The following ATXN7 variants were observed in gnomAD, a reference collection of about 807,000 sequenced individuals.
ATXN7 encodes ataxin 7, also known as ataxin-7.
In ATXN7, 12 loss-of-function variants were observed where a neutral mutation model predicts 70.5. The ratio of observed to expected loss-of-function variants is 0.17; its 90% CI spans 0.11 to 0.28. ATXN7 has a LOEUF of 0.28. Among genes scored for constraint, ATXN7 ranks in the 10% least tolerant of loss-of-function variants. The pLI is 1.00. For synonymous variants in ATXN7, 498 were observed against 448.7 expected, an observed-to-expected ratio of 1.11 and a Z score of -1.39; for missense variants, 1,256 against 1,131.7, an observed-to-expected ratio of 1.11 and a Z score of -1.58.
rs1048571039 is a variant in ATXN7, at chr3:63,996,035, G to A, written c.2213G>A (p.Cys738Tyr). Reference sequence around the variant, plus strand: ...TCCATGGAGTCTTTTAGGAAAAACTGTGTGGCTCACTCTGGGCCTCCCTAC... The same window carrying A: ...TCCATGGAGTCTTTTAGGAAAAACTATGTGGCTCACTCTGGGCCTCCCTAC... ...SHSMESFRKN[C>Y]VAHSGPPYPS... Residue 738 changes from cysteine (C) to tyrosine (Y), a missense_variant, in exon 12 of 13, where the codon TGT becomes TAT. Coordinates refer to ENST00000674280, the MANE Select transcript of ATXN7 (RefSeq NM_001377405.1). 6.2e-7 allele frequency: 1 copy of A among 1,614,150 alleles called. No individual in the cohort carries two copies. Among genetic ancestry groups the A allele is most frequent in the Middle Eastern group, 1.6e-4 (1 of 6,062 alleles).
chr3:63,977,251 A>G (rs1419437321), intron 5 of ATXN7, among the ~76,000 whole-genome samples: 1 of 152,242 alleles, frequency 6.6e-6, no homozygotes, highest in African/African-American at 2.4e-5. Flanking sequence ...TTCTTAGTAT[A>G]TCGGTGGCTT....
At chr3:63,902,855 C>T (rs1254024831) in intron 2 of ATXN7, among the ~76,000 whole-genome samples, 1 of 151,950 alleles carries the variant, frequency 6.6e-6, no homozygotes, top group Admixed American at 6.6e-5. Context: ...AAAAAAAAAT[C>T]TTTATAAAAG....
In ATXN7 at chr3:63,883,049, C is replaced by G. The variant is rs557905883; in HGVS notation, c.-110-15350C>G. ...TATTAGACAGCTATAGACATGGACACCAAAACTTGTTGAGCCTTCAGCATT... is the reference window on the plus strand; with the variant it reads ...TATTAGACAGCTATAGACATGGACAGCAAAACTTGTTGAGCCTTCAGCATT... On this transcript the variant is annotated intron_variant, in intron 1 of 12. Transcript: ENST00000674280. Among the ~76,000 whole-genome samples, 3 of 152,222 alleles carry G rather than the reference C, an allele frequency of 2.0e-5. No homozygotes were observed. The East Asian group carries it at 5.8e-4, about 29-fold the overall frequency.
At chr3:63,984,378 C>G (rs572160651) in intron 8 of ATXN7, among the ~76,000 whole-genome samples, 1 of 152,000 alleles carries the variant, frequency 6.6e-6, no homozygotes, top group South Asian at 2.1e-4. Flanking sequence ...GTATAGGGTA[C>G]TAATTGGACA....
At chr3:63,866,720 A>G (rs1048192016) in intron 1 of ATXN7, 5 of 152,238 alleles carry the variant, frequency 3.3e-5, no homozygotes, top group African/African-American at 1.2e-4. Context: ...TCTCATATAT[A>G]TGAGAGAACA....
rs531522696 is a variant in ATXN7 at position 63,867,861 on chromosome 3, G to C, written c.-111+3703G>C. Among the ~76,000 whole-genome samples, 10 of 152,186 alleles carry C rather than the reference G, an allele frequency of 6.6e-5. No individual in the cohort carries two copies. In the East Asian group the frequency reaches 1.5e-3, roughly 24 times the overall value. On this transcript the variant is annotated intron_variant, in intron 1 of 12. Transcript: ENST00000674280. The stretch of plus-strand genomic sequence containing the variant: ...GCCGAGATCACTACACTCTAGCCTG[G>C]GCAACAGAGTAAGACACTGAAATAA...
intron 2 of ATXN7, among the ~76,000 whole-genome samples, chr3:63,911,001 T>C (rs961301642): frequency 1.1e-4 from 17 of 152,090 alleles, no homozygotes; most frequent in Non-Finnish European, 2.5e-4. Flanking sequence ...AACAAAGAAG[T>C]TGGCTACCTC....
intron 12 of ATXN7, chr3:63,998,462 C>T: frequency 1.0e-6 from 1 of 985,280 alleles, no homozygotes; most frequent in Non-Finnish European, 1.2e-6. Flanking sequence ...TCATGACCTG[C>T]CATTTTGCCA....
intron 4 of ATXN7, among the ~76,000 whole-genome samples, chr3:63,927,926 G>C (rs533440235): frequency 8.6e-4 from 131 of 152,250 alleles, no homozygotes; most frequent in Non-Finnish European, 1.5e-3. Context: ...GTTGTTGTTT[G>C]GTAGATGTTT....
chr3:63,940,951 G>A lies in ATXN7; in HGVS notation c.395-11428G>A, dbSNP rs896963729. Among the ~76,000 whole-genome samples, 5 of 152,108 alleles carry A rather than the reference G, an allele frequency of 3.3e-5. No individual in the cohort carries two copies. The East Asian group carries it at 9.6e-4, about 29-fold the overall frequency. On this transcript the variant is annotated intron_variant, in intron 4 of 12. Coordinates refer to ENST00000674280, the MANE Select transcript of ATXN7 (RefSeq NM_001377405.1). ...CAGGATTTGCTGACAGTATTTTGAG[G>A]AGTAGCTTAAGGAACCCGTGAGACA...
chr3:63,976,217 A>G (rs2075385394), intron 5 of ATXN7, among the ~76,000 whole-genome samples: 1 of 152,186 alleles, frequency 6.6e-6, no homozygotes, highest in Admixed American at 6.5e-5. Context: ...ATCCTGTGAA[A>G]AATAAGAGCT....
intron 2 of ATXN7, chr3:63,903,634 T>C (rs1703732611): frequency 6.6e-6 from 1 of 152,220 alleles, no homozygotes; most frequent in Non-Finnish European, 1.5e-5. Flanking sequence ...CAGGCACTAT[T>C]CTGAACATAT....
intron 4 of ATXN7, among the ~76,000 whole-genome samples, chr3:63,929,515 C>T (rs1704856439): frequency 6.6e-6 from 1 of 152,158 alleles, no homozygotes; most frequent in Admixed American, 6.5e-5. Context: ...TCGTGATGCG[C>T]CTGCCTCTGC....
At position 63,952,190 on chromosome 3, in the gene ATXN7, T is replaced by C. The variant is rs186801034; in HGVS notation, c.395-189T>C. Among the ~76,000 whole-genome samples the C allele has an allele frequency of 2.4e-4, 36 of 152,376 alleles. 1 individual carries two copies. The highest frequency in any genetic ancestry group is 2.0e-3 in the Admixed American group (31 of 15,304). ...CATCATAATTATTTTTGGTGCACTT[T>C]AACCCTTTTTAAAGTGTGTCTGTAA... On this transcript the variant is annotated intron_variant, in intron 4 of 12. Coordinates refer to ENST00000674280, the MANE Select transcript of ATXN7 (RefSeq NM_001377405.1).
chr3:63,944,751 ATGTTTTTTTT>A (rs1016774163), intron 4 of ATXN7, among the ~76,000 whole-genome samples: 1 of 151,776 alleles, frequency 6.6e-6, no homozygotes, highest in Admixed American at 6.6e-5. Context: ...TTTGTGAGTT[ATGTTTTTTTT>A]TGTTTTTTGT....
intron 4 of ATXN7, among the ~76,000 whole-genome samples, chr3:63,943,863 T>C (rs1287114381): frequency 1.3e-5 from 2 of 152,206 alleles, no homozygotes; most frequent in Non-Finnish European, 2.9e-5. Context: ...TTGTATAGTC[T>C]CTTCCTGTCT....
chr3:63,970,415 A>G (rs958537814), intron 5 of ATXN7, among the ~76,000 whole-genome samples: 1 of 152,182 alleles, frequency 6.6e-6, no homozygotes, highest in Non-Finnish European at 1.5e-5. Flanking sequence ...AGACAAAAAA[A>G]AAGGGTGTTA....
intron 2 of ATXN7, among the ~76,000 whole-genome samples, chr3:63,903,067 C>A (rs191400414): frequency 2.6e-5 from 4 of 151,812 alleles, no homozygotes; most frequent in Admixed American, 2.0e-4. Flanking sequence ...TCATCATCAT[C>A]ATCATCATCA....
At chr3:63,968,051 G>C in intron 5 of ATXN7, 1 of 1,231,696 alleles carries the variant, frequency 8.1e-7, no homozygotes, top group East Asian at 2.5e-5. Flanking sequence ...TGGACGGTGG[G>C]GTAGGTCTTT....
Sources: gnomAD v4.1 joint callset for allele counts (sites outside exome capture counted in the v4.1 genomes callset) on GRCh38, gnomAD v4.1.1 for gene constraint, MANE v1.5 for transcripts, NCBI Gene and HGNC (gene_info 2026-07-23, HGNC 2026-07-21) for gene names.